NECTIN4: variants seen among roughly 807,000 people sequenced by gnomAD.
NECTIN4 encodes nectin cell adhesion molecule 4.
NECTIN4 carries 19 observed loss-of-function variants against 51.7 expected under a neutral mutation model. That is an observed-to-expected ratio of 0.37 (90% CI 0.26 to 0.54). NECTIN4 has a LOEUF of 0.54. Among genes scored for constraint, NECTIN4 ranks in the 20% least tolerant of loss-of-function variants. NECTIN4 has a pLI of 0.86. For synonymous variants in NECTIN4, 283 were observed against 286.9 expected, an observed-to-expected ratio of 0.99 and a Z score of 0.14; for missense variants, 619 against 662.4, an observed-to-expected ratio of 0.93 and a Z score of 0.72.
At chr1:161,073,384 C>A in intron 7 of NECTIN4, 85 bp from the exon 8 acceptor site, 1 of 1,152,122 alleles carries the variant, frequency 8.7e-7, no homozygotes, top group East Asian at 2.4e-5. Flanking sequence ...CACCAGCCTC[C>A]TCCCTACTTG....
intron 1 of NECTIN4, among the ~76,000 whole-genome samples, chr1:161,080,184 C>T (rs937317343): frequency 8.5e-5 from 13 of 152,170 alleles, no homozygotes; most frequent in African/African-American, 3.1e-4. Flanking sequence ...AGTGGCTTGC[C>T]TAAGGCCACA....
intron 3 of NECTIN4, 95 bp downstream of exon 3, chr1:161,077,358 G>T: frequency 1.4e-6 from 2 of 1,399,144 alleles, no homozygotes; most frequent in Non-Finnish European, 2.0e-6. Context: ...CCAGGACCCA[G>T]GCTGGCCAGC....
rs753986180 is a variant in NECTIN4, at chr1:161,074,700, G to T, written c.911C>A (p.Pro304Gln). The T allele has an allele frequency of 6.8e-6, 11 of 1,614,174 alleles. No homozygotes were observed. The change falls in exon 5 of 9, where the codon CCA becomes CAA. Residue 304 changes from proline (P) to glutamine (Q), a missense_variant. Pro to Gln is a moderately conservative substitution (Grantham distance 76). Coordinates refer to ENST00000368012, the MANE Select transcript of NECTIN4 (RefSeq NM_030916.3). ...GATGCCGCTGTGCTCAGTGGTCAGT[G>T]GGGGAAAGCCCAAAGTGTCCCCATC... ...RVDGDTLGFP[P>Q]LTTEHSGIYV...
intron 8 of NECTIN4, 81 bp from the exon 9 acceptor site, chr1:161,072,966 G>A: frequency 2.2e-6 from 3 of 1,374,680 alleles, no homozygotes; most frequent in Non-Finnish European, 3.0e-6. Flanking sequence ...GTCATGGTGG[G>A]ATCAGAGGCC....
chr1:161,087,084 G>C (rs951553220), intron 1 of NECTIN4: 1 of 152,222 alleles, frequency 6.6e-6, no homozygotes, highest in African/African-American at 2.4e-5. Context: ...GCAGAAACGG[G>C]ATCTGGACCA....
Position 161,072,614 on chromosome 1 carries a change from C to G in NECTIN4, c.*47G>C. On this transcript the variant is annotated 3_prime_UTR_variant, in exon 9 of 9. Transcript: ENST00000368012. Reference sequence around the variant, plus strand: ...GCCCCCAAGATGAGCTAAAATCTCCCATGTCAACAGAAGGAGCCAGGCCTA... The same window carrying G: ...GCCCCCAAGATGAGCTAAAATCTCCGATGTCAACAGAAGGAGCCAGGCCTA... The G allele has an allele frequency of 3.3e-6, 5 of 1,523,428 alleles. No homozygotes were observed. Among genetic ancestry groups the G allele is most frequent in the Non-Finnish European group, 4.6e-6 (5 of 1,097,352 alleles). 94.4% of individuals were successfully genotyped at this position (1,523,428 alleles called of 1,614,324 possible). A position where few individuals can be genotyped will look rare whatever the true frequency, so the allele number is the denominator to read the frequency against.
In NECTIN4 at chr1:161,079,600, G is replaced by T; in HGVS notation, c.429C>A (p.Leu143=). The T allele has an allele frequency of 6.2e-7, 1 of 1,604,022 alleles. No individual in the cohort carries two copies. The change falls in exon 2 of 9, where the codon CTC becomes CTA. Residue 143 remains leucine, a synonymous_variant. Transcript: ENST00000368012. ...PAGSFQARLR[L]RVLVPPLPSL... Reference sequence around the variant, plus strand: ...GAGATCCCCGCTTACCCAGCACTCGGAGCCGCAGCCGCGCCTGGAAGCTGC... The same window carrying T: ...GAGATCCCCGCTTACCCAGCACTCGTAGCCGCAGCCGCGCCTGGAAGCTGC...
At chr1:161,082,740 C>T (rs923930353) in intron 1 of NECTIN4, among the ~76,000 whole-genome samples, 1 of 152,122 alleles carries the variant, frequency 6.6e-6, no homozygotes, top group East Asian at 1.9e-4. Context: ...ACCCGCACCC[C>T]TCCCAGGCTT....
intron 5 of NECTIN4, 35 bp downstream of exon 5, chr1:161,074,576 A>G: frequency 6.2e-7 from 1 of 1,613,476 alleles, no homozygotes; most frequent in Non-Finnish European, 8.5e-7. Flanking sequence ...CCCTTGGCCC[A>G]GGTCCTTACC....
Position 161,089,546 on chromosome 1 carries a change from CA to C in NECTIN4, c.-251del. On this transcript the variant is annotated 5_prime_UTR_variant, in exon 1 of 9. Coordinates refer to ENST00000368012, the MANE Select transcript of NECTIN4 (RefSeq NM_030916.3). This position sits in a 1 kb window ranked among gnomAD's most constrained non-coding sequence, Gnocchi z 4.1. Reference sequence around the variant, plus strand: ...CCAGAGCTGCTTCCCACGCTGTGGCCAACAACGACGGCAGAAACCTGGGAAC... The same window carrying C: ...CCAGAGCTGCTTCCCACGCTGTGGCCACAACGACGGCAGAAACCTGGGAAC... The C allele has an allele frequency of 1.8e-6, 1 of 545,004 alleles. No homozygotes were observed. The allele number at this position is 545,004 out of a possible 1,614,324, so 33.8% of individuals were successfully genotyped here.
At chr1:161,083,046 G>A (rs1653759102) in intron 1 of NECTIN4, among the ~76,000 whole-genome samples, 1 of 152,088 alleles carries the variant, frequency 6.6e-6, no homozygotes, top group African/African-American at 2.4e-5. Flanking sequence ...GGTACAGCAG[G>A]CATTAGATAC....
At chr1:161,073,845 A>G (rs765885300) in intron 6 of NECTIN4, 50 bp from the exon 7 acceptor site, 13 of 1,537,238 alleles carry the variant, frequency 8.5e-6, no homozygotes, top group Middle Eastern at 1.7e-4. Flanking sequence ...GCAGCCTCCC[A>G]AGGTGAGCCT....
Position 161,073,206 on chromosome 1 carries a change from G to C in NECTIN4, c.1308+19C>G, listed in dbSNP as rs1653256755. The stretch of plus-strand genomic sequence containing the variant: ...CCCGAGGAGAGTGGTGGGGACACCG[G>C]TGGGGCCGGGGGCCTCACCATCACA... On this transcript the variant is annotated intron_variant, in intron 8 of 8. Coordinates refer to ENST00000368012, the MANE Select transcript of NECTIN4 (RefSeq NM_030916.3). 3 of 1,611,354 alleles carry C rather than the reference G, an allele frequency of 1.9e-6. No individual in the cohort carries two copies. The highest frequency in any genetic ancestry group is 2.7e-5 in the African/African-American group (2 of 75,000).
intron 5 of NECTIN4, 90 bp from the exon 6 acceptor site, chr1:161,074,463 A>G (rs907418564): frequency 3.1e-6 from 5 of 1,595,192 alleles, no homozygotes; most frequent in African/African-American, 1.3e-5. Flanking sequence ...ATCTAAAACC[A>G]CACCTCAGTT....
chr1:161,080,590 A>G (rs1171015076), intron 1 of NECTIN4, among the ~76,000 whole-genome samples: 1 of 152,308 alleles, frequency 6.6e-6, no homozygotes, highest in East Asian at 1.9e-4. Flanking sequence ...GAGGAAAGGC[A>G]TGAACCAAGG....
intron 1 of NECTIN4, among the ~76,000 whole-genome samples, chr1:161,085,811 C>T (rs1488575343): frequency 6.6e-6 from 1 of 151,838 alleles, no homozygotes; most frequent in African/African-American, 2.4e-5. Flanking sequence ...GCAATCCTCC[C>T]AAGTAGCTGG....
At chr1:161,076,240 C>T in intron 4 of NECTIN4, 115 bp downstream of exon 4, 2 of 1,173,124 alleles carry the variant, frequency 1.7e-6, no homozygotes, top group Non-Finnish European at 2.5e-6. Flanking sequence ...GAACACATAC[C>T]CCAATTTATT....
intron 2 of NECTIN4, among the ~76,000 whole-genome samples, chr1:161,078,904 C>T (rs1259459144): frequency 6.6e-5 from 10 of 151,862 alleles, no homozygotes; most frequent in South Asian, 2.1e-4. Context: ...CCCAGCTACT[C>T]GGGAGGCTGA....
rs528221237 is a variant in NECTIN4 at position 161,082,733 on chromosome 1, C to T, written c.80-2784G>A. ...CAGCCTGGGAGTCCAGCTAACCACCCGCACCCCTCCCAGGCTTTTTCTCCT... is the reference window on the plus strand; with the variant it reads ...CAGCCTGGGAGTCCAGCTAACCACCTGCACCCCTCCCAGGCTTTTTCTCCT... On this transcript the variant is annotated intron_variant, in intron 1 of 8. Transcript: ENST00000368012. Among the ~76,000 whole-genome samples, 9 of 152,178 alleles carry T rather than the reference C, an allele frequency of 5.9e-5. No individual in the cohort carries two copies. The East Asian group carries it at 1.5e-3, about 26-fold the overall frequency.
Sources: allele counts gnomAD v4.1 joint callset (sites outside exome capture counted in the v4.1 genomes callset), GRCh38; gene constraint gnomAD v4.1.1; non-coding constraint Gnocchi (gnomAD v3.1); transcripts MANE v1.5; gene names NCBI Gene and HGNC (gene_info 2026-07-23, HGNC 2026-07-21).